PPP2R2C: variants seen among roughly 807,000 people sequenced by gnomAD.
PPP2R2C encodes protein phosphatase 2 regulatory subunit Bgamma, also known as protein phosphatase 2, regulatory subunit B, gamma.
PPP2R2C carries 10 observed loss-of-function variants against 45.3 expected under a neutral mutation model. The observed-to-expected ratio is 0.22, with a 90% confidence interval of 0.14 to 0.37. The LOEUF is 0.37. Among genes scored for constraint, PPP2R2C ranks in the 10% least tolerant of loss-of-function variants. The pLI is 1.00. For missense variants in PPP2R2C, 308 were observed against 619.7 expected (o/e 0.50, Z 5.34); for synonymous variants, 257 against 245.4 (o/e 1.05, Z -0.44).
chr4:6,389,372 G>A (rs922746688), intron 1 of PPP2R2C, among the ~76,000 whole-genome samples: 5 of 152,202 alleles, frequency 3.3e-5, no homozygotes, highest in Non-Finnish European at 7.3e-5. Flanking sequence ...CAGGGCTCAG[G>A]GCAGAGAGGG....
At position 6,410,051 on chromosome 4, in the gene PPP2R2C, G is replaced by T. The variant is rs115460642; in HGVS notation, c.71-28957C>A. On this transcript the variant is annotated intron_variant, in intron 1 of 8. Transcript: ENST00000382599. Reference sequence around the variant, plus strand: ...AGAGGCCTTTACTTAAGCAGAGGGGGCTCCAGCTCCACACCACTGGGCAAG... The same window carrying T: ...AGAGGCCTTTACTTAAGCAGAGGGGTCTCCAGCTCCACACCACTGGGCAAG... Among the ~76,000 whole-genome samples the T allele has an allele frequency of 3.4e-3, 522 of 152,244 alleles. 5 individuals are homozygous for T. The highest frequency in any genetic ancestry group is 0.012 in the African/African-American group (486 of 41,540).
chr4:6,354,544 G>A (rs1369167693), intron 5 of PPP2R2C, among the ~76,000 whole-genome samples: 7 of 151,974 alleles, frequency 4.6e-5, no homozygotes, highest in African/African-American at 7.3e-5. Flanking sequence ...GGACATGTTC[G>A]CTGCATGACT....
intron 8 of PPP2R2C, among the ~76,000 whole-genome samples, chr4:6,327,639 A>AG (rs986413071): frequency 7.9e-5 from 12 of 152,184 alleles, no homozygotes; most frequent in African/African-American, 2.4e-4. Flanking sequence ...GCAGCATGGG[A>AG]GGAGCCCTGT....
chr4:6,421,041 G>A lies in PPP2R2C; in HGVS notation c.71-39947C>T, dbSNP rs530705469. On this transcript the variant is annotated intron_variant, in intron 1 of 8. Transcript: ENST00000382599. ...CTTCGTGGAGGAAGCGGTGCTTTGTGTGCACCCTTCTTCCTATTTGGGGTG... is the reference window on the plus strand; with the variant it reads ...CTTCGTGGAGGAAGCGGTGCTTTGTATGCACCCTTCTTCCTATTTGGGGTG... 9.0e-5 allele frequency: 89 copies of A among 985,176 alleles called. 1 individual carries two copies. In the South Asian group the frequency reaches 3.8e-3, roughly 42 times the overall value. The allele number at this position is 985,176 out of a possible 1,614,324, so 61.0% of individuals were successfully genotyped here. A position where few individuals can be genotyped will look rare whatever the true frequency, so the allele number is the denominator to read the frequency against.
intron 1 of PPP2R2C, among the ~76,000 whole-genome samples, chr4:6,421,592 T>C (rs1718971158): frequency 6.6e-6 from 1 of 152,092 alleles, no homozygotes; most frequent in African/African-American, 2.4e-5. Flanking sequence ...CTGGCTGGAA[T>C]GCTCACGGGC....
chr4:6,506,887 C>T lies in PPP2R2C; in HGVS notation c.49+28384G>A, dbSNP rs142159507. 8.8e-3 allele frequency among the ~76,000 whole-genome samples: 1,339 copies of T among 152,284 alleles called. 12 individuals are homozygous for T. The highest frequency in any genetic ancestry group is 0.024 in the African/African-American group (991 of 41,558). On this transcript the variant is annotated intron_variant, in intron 2 of 9. Coordinates refer to the PPP2R2C transcript ENST00000506140. ...CTTGGGGCTGTCAACATATGGCCTC[C>T]CATGTGGGTTGCCATTCTCACACCA... is the stretch of plus-strand genomic sequence containing the variant.
intron 6 of PPP2R2C, among the ~76,000 whole-genome samples, chr4:6,347,311 C>T (rs937790115): frequency 6.6e-6 from 1 of 152,096 alleles, no homozygotes; most frequent in Non-Finnish European, 1.5e-5. Flanking sequence ...CCCTGGAACT[C>T]GTTCAGCCCC....
chr4:6,457,320 CA>C (rs1703969097), intron 1 of PPP2R2C, among the ~76,000 whole-genome samples: 1 of 151,140 alleles, frequency 6.6e-6, no homozygotes, highest in Non-Finnish European at 1.5e-5. Context: ...TTTGTCAAGA[CA>C]TTAAAAAGTC....
intron 2 of PPP2R2C, among the ~76,000 whole-genome samples, chr4:6,522,541 G>A (rs913253682): frequency 1.4e-4 from 22 of 152,370 alleles, no homozygotes; most frequent in Admixed American, 7.8e-4. Flanking sequence ...TTCCCCACAC[G>A]GGGATGGCAG....
intron 1 of PPP2R2C, among the ~76,000 whole-genome samples, chr4:6,397,810 C>G (rs1717146145): frequency 3.3e-5 from 5 of 152,170 alleles, no homozygotes; most frequent in Admixed American, 3.3e-4. Context: ...AAAATATGTT[C>G]CTGTTAGAAC....
intron 1 of PPP2R2C, among the ~76,000 whole-genome samples, chr4:6,454,768 T>G (rs943071915): frequency 2.6e-5 from 4 of 152,146 alleles, no homozygotes; most frequent in Admixed American, 2.6e-4. Flanking sequence ...GGACTCAACC[T>G]CTCTGAGGCT....
chr4:6,526,175 A>G (rs962130457), intron 2 of PPP2R2C, among the ~76,000 whole-genome samples: 1 of 152,256 alleles, frequency 6.6e-6, no homozygotes, highest in Non-Finnish European at 1.5e-5. Flanking sequence ...CATGTAACAT[A>G]CATGTTAGCT....
chr4:6,412,319 A>G (rs1718246149), intron 1 of PPP2R2C, among the ~76,000 whole-genome samples: 1 of 152,190 alleles, frequency 6.6e-6, no homozygotes, highest in African/African-American at 2.4e-5. Context: ...AAGAGACTGT[A>G]ACTGTTCACC....
intron 1 of PPP2R2C, chr4:6,382,673 T>A (rs866325862): frequency 0.071 from 9,398 of 131,664 alleles, 55 homozygotes; most frequent in Non-Finnish European, 0.084. Context: ...TCTCTCTCTC[T>A]CTCACACACA....
chr4:6,543,174 C>T (rs1479343163), intron 1 of PPP2R2C, among the ~76,000 whole-genome samples: 5 of 152,306 alleles, frequency 3.3e-5, no homozygotes, highest in East Asian at 1.9e-4. Flanking sequence ...GGCAGGACGG[C>T]GTGGATGCAC....
intron 6 of PPP2R2C, among the ~76,000 whole-genome samples, chr4:6,347,248 G>A (rs1190699967): frequency 6.6e-6 from 1 of 152,204 alleles, no homozygotes; most frequent in African/African-American, 2.4e-5. Context: ...TGGGCTCAGA[G>A]TGAGTGTTCA....
intron 5 of PPP2R2C, among the ~76,000 whole-genome samples, chr4:6,366,873 T>C (rs1248291964): frequency 6.6e-6 from 1 of 152,026 alleles, no homozygotes; most frequent in African/African-American, 2.4e-5. Flanking sequence ...TCAGGCTTCC[T>C]CCAGAAGCCA....
At chr4:6,365,755 G>T (rs190504359) in intron 5 of PPP2R2C, among the ~76,000 whole-genome samples, 29 of 152,328 alleles carry the variant, frequency 1.9e-4, no homozygotes, top group Admixed American at 1.2e-3. Flanking sequence ...GTGCGGACCT[G>T]CTCTGTAAAT....
At chr4:6,381,865 G>C in intron 1 of PPP2R2C, 1 of 1,612,218 alleles carries the variant, frequency 6.2e-7, no homozygotes, top group Non-Finnish European at 8.5e-7. Flanking sequence ...CCCACTTTTT[G>C]CATGTGGGAA....
Sources: allele counts gnomAD v4.1 joint callset (sites outside exome capture counted in the v4.1 genomes callset), GRCh38; gene constraint gnomAD v4.1.1; transcripts MANE v1.5; gene names NCBI Gene and HGNC (gene_info 2026-07-23, HGNC 2026-07-21).